UBAC2: variants seen among roughly 807,000 people sequenced by gnomAD.
UBAC2 encodes ubiquitin-associated domain-containing protein 2.
UBAC2 carries 26 observed loss-of-function variants against 44.0 expected under a neutral mutation model. That is an observed-to-expected ratio of 0.59 (90% CI 0.43 to 0.82). The LOEUF (loss-of-function observed/expected upper bound fraction) is 0.82, where lower values mean the gene tolerates loss of function less well. UBAC2 is among the 40% of genes least tolerant of loss of function. UBAC2 has a pLI of 0.00. For missense variants in UBAC2, 329 were observed against 419.4 expected, an observed-to-expected ratio of 0.78 and a Z score of 1.88; for synonymous variants, 155 against 154.3, an observed-to-expected ratio of 1.00 and a Z score of -0.04.
At position 99,367,795 on chromosome 13, in the gene UBAC2, G is replaced by A. The variant is rs1198614901; in HGVS notation, c.816G>A (p.Met272Ile). 7 of 1,612,344 alleles carry A rather than the reference G, an allele frequency of 4.3e-6. No individual in the cohort carries two copies. In the African/African-American group the frequency reaches 5.4e-5, roughly 12 times the overall value. Residue 272 changes from methionine to isoleucine, a missense_variant, in exon 8 of 9, where the codon ATG (methionine) becomes ATA (isoleucine). Coordinates refer to ENST00000403766, the MANE Select transcript of UBAC2 (RefSeq NM_001144072.2). ...GRRQRQQQGG[M>I]INWNRLFPPL... is the part of the protein sequence containing the mutation. Reference sequence around the variant, plus strand: ...TGTTGATCTCTTTTTAGGGAGGAATGATCAATTGGAATCGTCTTTTTCCTC... The same window carrying A: ...TGTTGATCTCTTTTTAGGGAGGAATAATCAATTGGAATCGTCTTTTTCCTC...
chr13:99,326,773 C>T lies in UBAC2; in HGVS notation c.561+8704C>T, dbSNP rs2044645581. ...GTCCAGCACCTTACACTGCACATCTCAAGGCTCTCATCCATGTCTCTTCCA... is the reference window on the plus strand; with the variant it reads ...GTCCAGCACCTTACACTGCACATCTTAAGGCTCTCATCCATGTCTCTTCCA... On this transcript the variant is annotated intron_variant, in intron 6 of 8. Transcript: ENST00000403766. Among the ~76,000 whole-genome samples the T allele has an allele frequency of 2.6e-5, 4 of 152,122 alleles. No homozygotes were observed. In the South Asian group the frequency reaches 8.3e-4, roughly 32 times the overall value.
chr13:99,214,781 T>TA (rs1297357301), intron 1 of UBAC2, among the ~76,000 whole-genome samples: 2 of 151,974 alleles, frequency 1.3e-5, no homozygotes, highest in Non-Finnish European at 2.9e-5. Flanking sequence ...TTTGGGGGAA[T>TA]AAATAAATTT....
intron 2 of UBAC2, among the ~76,000 whole-genome samples, chr13:99,242,754 C>T (rs1233387198): frequency 1.8e-4 from 26 of 145,862 alleles, no homozygotes; most frequent in Non-Finnish European, 2.6e-4. Flanking sequence ...CTCTCCCGGA[C>T]GGGGTGGCTG....
chr13:99,318,684 G>C (rs1209616160), intron 6 of UBAC2, among the ~76,000 whole-genome samples: 3 of 151,420 alleles, frequency 2.0e-5, no homozygotes, highest in African/African-American at 2.4e-5. Context: ...TGCTGGGCGT[G>C]GTGGCAGGCG....
intron 4 of UBAC2, among the ~76,000 whole-genome samples, chr13:99,247,439 C>A (rs1241311574): frequency 6.6e-6 from 1 of 151,836 alleles, no homozygotes; most frequent in African/African-American, 2.4e-5. Flanking sequence ...TGGTCTCGAT[C>A]TCCTGACCTC....
intron 6 of UBAC2, among the ~76,000 whole-genome samples, chr13:99,328,759 T>A (rs1300820375): frequency 2.0e-5 from 3 of 152,262 alleles, no homozygotes; most frequent in Non-Finnish European, 2.9e-5. Context: ...GGACATGTTT[T>A]ATGAAAATTG....
chr13:99,274,724 T>A (rs1487987861), intron 4 of UBAC2, among the ~76,000 whole-genome samples: 1 of 150,468 alleles, frequency 6.6e-6, no homozygotes, highest in African/African-American at 2.4e-5. Context: ...TTCTTTTCTT[T>A]TTTTTTTTTT....
chr13:99,295,233 G>C lies in UBAC2; in HGVS notation c.390-18864G>C. On this transcript the variant is annotated intron_variant, in intron 4 of 8. Coordinates refer to ENST00000403766, the MANE Select transcript of UBAC2 (RefSeq NM_001144072.2). This position sits in a 1 kb window ranked among gnomAD's most constrained non-coding sequence, Gnocchi z 4.1. Reference sequence around the variant, plus strand: ...TTACATGCAAAGAAGTAGATAAAAGGGTCCATGCAGCAATTGAAGTTCATC... The same window carrying C: ...TTACATGCAAAGAAGTAGATAAAAGCGTCCATGCAGCAATTGAAGTTCATC... 1 of 1,614,050 alleles carries C rather than the reference G, an allele frequency of 6.2e-7. No individual in the cohort carries two copies. Among genetic ancestry groups the C allele is most frequent in the Non-Finnish European group, 8.5e-7 (1 of 1,179,984 alleles).
At chr13:99,308,657 A>G (rs1566496053) in intron 4 of UBAC2, 1 of 152,242 alleles carries the variant, frequency 6.6e-6, no homozygotes, top group Non-Finnish European at 1.5e-5. Context: ...CTGTAAAAAT[A>G]GTCGAGTAGC....
chr13:99,242,750 C>T (rs1305429564), intron 2 of UBAC2, among the ~76,000 whole-genome samples: 20 of 147,828 alleles, frequency 1.4e-4, no homozygotes, highest in Non-Finnish European at 2.4e-4. Context: ...ACCTCTCTCC[C>T]GGACGGGGTG....
At chr13:99,362,812 T>G (rs1341234116) in intron 7 of UBAC2, among the ~76,000 whole-genome samples, 1 of 152,260 alleles carries the variant, frequency 6.6e-6, no homozygotes, top group East Asian at 1.9e-4. Flanking sequence ...AGTTATATGT[T>G]GTAAACATTT....
rs528544486 is a variant in UBAC2 at position 99,359,893 on chromosome 13, G to A, written c.808-7894G>A. On this transcript the variant is annotated intron_variant, in intron 7 of 8. Transcript: ENST00000403766. Reference sequence around the variant, plus strand: ...GGTGGCCTGCAGGGGGCCACCGATTGTAGACTGGAGGTGCCCCTGCTGTGT... The same window carrying A: ...GGTGGCCTGCAGGGGGCCACCGATTATAGACTGGAGGTGCCCCTGCTGTGT... Among the ~76,000 whole-genome samples, 269 of 152,292 alleles carry A rather than the reference G, an allele frequency of 1.8e-3. 1 individual carries two copies. The highest frequency in any genetic ancestry group is 0.014 in the South Asian group (69 of 4,828).
intron 2 of UBAC2, among the ~76,000 whole-genome samples, chr13:99,242,266 C>T (rs566017205): frequency 2.6e-3 from 399 of 152,188 alleles, no homozygotes; most frequent in Non-Finnish European, 3.9e-3. Flanking sequence ...ACCTCCCAGA[C>T]GGGGTGGTGG....
At chr13:99,296,180 A>G (rs778913464) in intron 4 of UBAC2, 2 of 1,531,840 alleles carry the variant, frequency 1.3e-6, no homozygotes, top group African/African-American at 1.4e-5. Flanking sequence ...AAAAACCAAG[A>G]AGGATCATAT....
rs187672646 is a variant in UBAC2, at chr13:99,298,544, A to G, written c.390-15553A>G. ...AATGCATTTATTTAAAAAAGGAAAG[A>G]TTTAAAATATATGTTAAATATACAG... On this transcript the variant is annotated intron_variant, in intron 4 of 8. Transcript: ENST00000403766. 4.6e-5 allele frequency among the ~76,000 whole-genome samples: 7 copies of G among 152,338 alleles called. No individual in the cohort carries two copies. The East Asian group carries it at 1.3e-3, about 29-fold the overall frequency.
At position 99,252,674 on chromosome 13, in the gene UBAC2, T is replaced by C. The variant is rs183482189; in HGVS notation, c.389+8050T>C. On this transcript the variant is annotated intron_variant, in intron 4 of 8. Coordinates refer to ENST00000403766, the MANE Select transcript of UBAC2 (RefSeq NM_001144072.2). ...TTAGTATTTATATGTGGATGTTACATCGTTTTCCAGAATACAGTGAAATTT... is the reference window on the plus strand; with the variant it reads ...TTAGTATTTATATGTGGATGTTACACCGTTTTCCAGAATACAGTGAAATTT... 1.3e-4 allele frequency among the ~76,000 whole-genome samples: 20 copies of C among 152,366 alleles called. No homozygotes were observed. In the East Asian group the frequency reaches 3.9e-3, roughly 29 times the overall value.
Position 99,200,869 on chromosome 13 carries a change from C to G in UBAC2, c.-40C>G, listed in dbSNP as rs773308226. 1 of 1,290,960 alleles carries G rather than the reference C, an allele frequency of 7.7e-7. No individual in the cohort carries two copies. Among genetic ancestry groups the G allele is most frequent in the Non-Finnish European group, 9.9e-7 (1 of 1,010,562 alleles). The allele number at this position is 1,290,960 out of a possible 1,614,324, so 80.0% of individuals were successfully genotyped here. ...GCTGGGGCTCGCACTTCAGCTTCCC[C>G]TCCCCCGGCGCCCTCTGGGGCTCCG... On this transcript the variant is annotated 5_prime_UTR_variant, in exon 1 of 9. Transcript: ENST00000403766.
chr13:99,248,547 A>AT (rs1016806436), intron 4 of UBAC2, among the ~76,000 whole-genome samples: 15 of 151,590 alleles, frequency 9.9e-5, no homozygotes, highest in African/African-American at 1.2e-4. Context: ...ATGCCTGGCT[A>AT]TTTTTTTTGT....
intron 5 of UBAC2, 110 bp downstream of exon 5, chr13:99,314,330 A>G: frequency 1.6e-6 from 2 of 1,285,784 alleles, no homozygotes; most frequent in Non-Finnish European, 2.1e-6. Flanking sequence ...TTTTCCCCCC[A>G]TAATCTTGGC....
Sources: gnomAD v4.1 joint callset for allele counts (sites outside exome capture counted in the v4.1 genomes callset) on GRCh38, gnomAD v4.1.1 for gene constraint, Gnocchi (gnomAD v3.1) non-coding constraint, MANE v1.5 for transcripts, NCBI Gene and HGNC (gene_info 2026-07-23, HGNC 2026-07-21) for gene names.